Variants in SERPINF2 observed in about 807,000 individuals in gnomAD.
SERPINF2 encodes serpin family F member 2, also known as alpha-2-antiplasmin.
A neutral mutation model predicts 45.0 loss-of-function variants in SERPINF2; 15 were observed. The ratio of observed to expected loss-of-function variants is 0.33; its 90% CI spans 0.22 to 0.51. The LOEUF is 0.51. Ranked by LOEUF, SERPINF2 falls within the 20% of genes least tolerant of loss-of-function variation. The pLI is 0.97. For missense variants in SERPINF2, 518 were observed against 637.4 expected, an observed-to-expected ratio of 0.81 and a Z score of 2.02; for synonymous variants, 283 against 277.9, an observed-to-expected ratio of 1.02 and a Z score of -0.18.
rs773323308 is a variant in SERPINF2 at position 1,754,576 on chromosome 17, C to T, written c.*42C>T. 5.7e-6 allele frequency: 9 copies of T among 1,590,244 alleles called. No individual in the cohort carries two copies. In the African/African-American group the frequency reaches 9.4e-5, roughly 17 times the overall value. On this transcript the variant is annotated 3_prime_UTR_variant, in exon 10 of 10. Transcript: ENST00000453066. The stretch of plus-strand genomic sequence containing the variant: ...CATCCAGAGTCCCTGCCTGGACCAG[C>T]CTCTCCACTCATGTGACTCTTTCCA...
chr17:1,748,501 G>T, intron 7 of SERPINF2, 97 bp from the exon 8 acceptor site: 1 of 1,512,416 alleles, frequency 6.6e-7, no homozygotes, highest in Non-Finnish European at 9.1e-7. Context: ...ACGGGCTGGG[G>T]GTGCAGAGCC....
intron 1 of SERPINF2, among the ~76,000 whole-genome samples, chr17:1,744,249 T>G (rs1275155469): frequency 1.3e-5 from 2 of 151,182 alleles, no homozygotes; most frequent in African/African-American, 2.4e-5. Context: ...TCCCAGTACT[T>G]TGGGAGGCCG....
At position 1,745,248 on chromosome 17, in the gene SERPINF2, G is replaced by A. The variant is rs770737376; in HGVS notation, c.102+35G>A. The A allele has an allele frequency of 6.3e-7, 1 of 1,587,734 alleles. No homozygotes were observed. The highest frequency in any genetic ancestry group is 8.6e-7 in the Non-Finnish European group (1 of 1,167,806). On this transcript the variant is annotated intron_variant, in intron 3 of 9. Coordinates refer to ENST00000453066, the MANE Select transcript of SERPINF2 (RefSeq NM_000934.4). The surrounding 1 kb of genome is among the most constrained non-coding windows in gnomAD (Gnocchi z 6.2). ...AGTGAGGAGCCTGTGATGGGGGGAAGGTCCCGGGGGTCTCACTGGTGGCTT... is the reference window on the plus strand; with the variant it reads ...AGTGAGGAGCCTGTGATGGGGGGAAAGTCCCGGGGGTCTCACTGGTGGCTT...
intron 5 of SERPINF2, among the ~76,000 whole-genome samples, chr17:1,746,707 G>T (rs762043823): frequency 1.1e-4 from 16 of 152,132 alleles, no homozygotes; most frequent in Non-Finnish European, 1.9e-4. Context: ...GATTACAGGC[G>T]TGAGCCACCG....
intron 8 of SERPINF2, among the ~76,000 whole-genome samples, chr17:1,751,321 C>T (rs1022852569): frequency 7.9e-5 from 12 of 151,892 alleles, no homozygotes; most frequent in Non-Finnish European, 8.8e-5. Context: ...AGATGGTGAG[C>T]GCCTGTAGTC....
In SERPINF2 at chr17:1,755,039, A is replaced by C. The variant is rs566579420; in HGVS notation, c.*505A>C. On this transcript the variant is annotated 3_prime_UTR_variant, in exon 10 of 10. Transcript: ENST00000453066. The surrounding 1 kb of genome is among the most constrained non-coding windows in gnomAD (Gnocchi z 4.2). Reference sequence around the variant, plus strand: ...AGCCTGGCTGTGGCCTAACCTGCCGAGAGTCCATCAGCCTCCATCCTACCC... The same window carrying C: ...AGCCTGGCTGTGGCCTAACCTGCCGCGAGTCCATCAGCCTCCATCCTACCC... The C allele has an allele frequency of 9.1e-5, 15 of 165,210 alleles. No individual in the cohort carries two copies. In the South Asian group the frequency reaches 2.7e-3, roughly 29 times the overall value. The allele number at this position is 165,210 out of a possible 1,614,324, so 10.2% of individuals were successfully genotyped here.
chr17:1,746,009 G>A (rs1905790770), intron 5 of SERPINF2, 100 bp downstream of exon 5: 20 of 1,297,264 alleles, frequency 1.5e-5, no homozygotes, highest in Admixed American at 5.0e-5. Flanking sequence ...CCAGGGTCAC[G>A]TGGCTGTTTG....
At chr17:1,744,855 G>C (rs923515676) in intron 1 of SERPINF2, 137 bp from the exon 2 acceptor site, 3 of 1,548,738 alleles carry the variant, frequency 1.9e-6, no homozygotes, top group South Asian at 1.2e-5. Flanking sequence ...TTTGGGGTCT[G>C]TTCTGATTCT....
In SERPINF2 at chr17:1,747,253, C is replaced by G. The variant is rs1282266726; in HGVS notation, c.512-56C>G. 1.9e-6 allele frequency: 3 copies of G among 1,610,290 alleles called. No homozygotes were observed. In the South Asian group the frequency reaches 3.3e-5, roughly 18 times the overall value. ...CTGGGCCTCTGGTAGCGAGTAGGGG[C>G]GTGTCTGGCTGTGGAGCCTGGAGCC... On this transcript the variant is annotated intron_variant, in intron 6 of 9. Coordinates refer to ENST00000453066, the MANE Select transcript of SERPINF2 (RefSeq NM_000934.4).
At chr17:1,748,857 C>T (rs1230195479) in intron 8 of SERPINF2, 117 bp downstream of exon 8, 20 of 761,342 alleles carry the variant, frequency 2.6e-5, no homozygotes, top group Non-Finnish European at 3.8e-5. Flanking sequence ...CTTGCCTCCA[C>T]GTCCCCTAGG....
At position 1,745,537 on chromosome 17, in the gene SERPINF2, G is replaced by C. The variant is rs1389092024; in HGVS notation, c.165+142G>C. Reference sequence around the variant, plus strand: ...GAAGGGAGAGAGGGTGGGGAGGACCGAAGGTGGGCGCCAGGCCCCAGAATG... The same window carrying C: ...GAAGGGAGAGAGGGTGGGGAGGACCCAAGGTGGGCGCCAGGCCCCAGAATG... On this transcript the variant is annotated intron_variant, in intron 4 of 9. Coordinates refer to ENST00000453066, the MANE Select transcript of SERPINF2 (RefSeq NM_000934.4). The surrounding 1 kb of genome is among the most constrained non-coding windows in gnomAD (Gnocchi z 6.2). The C allele has an allele frequency of 1.6e-6, 2 of 1,213,664 alleles. No homozygotes were observed. Among genetic ancestry groups the C allele is most frequent in the African/African-American group, 1.5e-5 (1 of 66,946 alleles). 75.2% of individuals were successfully genotyped at this position (1,213,664 alleles called of 1,614,324 possible).
chr17:1,754,278 C>A lies in SERPINF2; in HGVS notation c.1220C>A (p.Ser407Tyr). ...TSIAMSRMSL[S>Y]SFSVNRPFLF... is the part of the protein sequence containing the mutation. Reference sequence around the variant, plus strand: ...ATTGCCATGTCCCGCATGTCCCTGTCCTCCTTCAGCGTGAACCGCCCCTTC... The same window carrying A: ...ATTGCCATGTCCCGCATGTCCCTGTACTCCTTCAGCGTGAACCGCCCCTTC... Residue 407 changes from serine to tyrosine, a missense_variant, in exon 10 of 10, where the codon TCC becomes TAC. Ser to Tyr is a moderately radical substitution (Grantham distance 144). Around this residue, in one of 2 missense-constraint regions of SERPINF2, gnomAD observed 435 missense variants for 577.3 expected, o/e 0.75. Transcript: ENST00000453066. The A allele has an allele frequency of 6.2e-7, 1 of 1,614,174 alleles. No homozygotes were observed. Among genetic ancestry groups the A allele is most frequent in the South Asian group, 1.1e-5 (1 of 91,088 alleles).
intron 8 of SERPINF2, among the ~76,000 whole-genome samples, chr17:1,750,361 A>C (rs1001696609): frequency 5.9e-5 from 9 of 151,768 alleles, no homozygotes; most frequent in Admixed American, 2.6e-4. Context: ...ATTGGCCAGG[A>C]TGGTCTCAAT....
Position 1,754,587 on chromosome 17 carries a change from A to C in SERPINF2, c.*53A>C. 1 of 1,558,498 alleles carries C rather than the reference A, an allele frequency of 6.4e-7. No individual in the cohort carries two copies. The highest frequency in any genetic ancestry group is 8.6e-7 in the Non-Finnish European group (1 of 1,158,298). ...CCTGCCTGGACCAGCCTCTCCACTCATGTGACTCTTTCCAACCGGCTTTGT... is the reference window on the plus strand; with the variant it reads ...CCTGCCTGGACCAGCCTCTCCACTCCTGTGACTCTTTCCAACCGGCTTTGT... On this transcript the variant is annotated 3_prime_UTR_variant, in exon 10 of 10. Coordinates refer to ENST00000453066, the MANE Select transcript of SERPINF2 (RefSeq NM_000934.4).
intron 1 of SERPINF2, among the ~76,000 whole-genome samples, chr17:1,743,715 C>CA (rs61163841): frequency 0.071 from 2,310 of 32,652 alleles, 86 homozygotes; most frequent in African/African-American, 0.086. Flanking sequence ...AACTCCATCT[C>CA]AAAAAAAAAA....
In SERPINF2 at chr17:1,746,991, G is replaced by A. The variant is rs139309534; in HGVS notation, c.368-28G>A. 3.4e-4 allele frequency: 536 copies of A among 1,598,846 alleles called. 4 individuals carry two copies. In the African/African-American group the frequency reaches 6.0e-3, roughly 18 times the overall value. ...TGGGGGTGAGAAAGGACCCGCAGCC[G>A]GGCCTCAGCCTGTGCGGTGCCCTCC... On this transcript the variant is annotated intron_variant, in intron 5 of 9. Transcript: ENST00000453066.
At chr17:1,753,631 A>C (rs2151197484) in intron 9 of SERPINF2, among the ~76,000 whole-genome samples, 1 of 152,328 alleles carries the variant, frequency 6.6e-6, no homozygotes, top group Non-Finnish European at 1.5e-5. Context: ...GGTTGCAGTG[A>C]GCCGAGATCA....
Position 1,754,744 on chromosome 17 carries a change from ATCTT to A in SERPINF2, c.*215_*218del, listed in dbSNP as rs1906714307. The A allele has an allele frequency of 3.2e-6, 2 of 627,774 alleles. No individual in the cohort carries two copies. Among genetic ancestry groups the A allele is most frequent in the African/African-American group, 1.8e-5 (1 of 54,200 alleles). 38.9% of individuals were successfully genotyped at this position (627,774 alleles called of 1,614,324 possible). ...TCGGGGAGCCGGGAGCCTGACCCTC[ATCTT>A]TCTTCCAAACAGGCTCAGAGGGTGT... On this transcript the variant is annotated 3_prime_UTR_variant, in exon 10 of 10. Transcript: ENST00000453066.
rs1198910763 is a variant in SERPINF2, at chr17:1,754,473, C to T, written c.1415C>T (p.Pro472Leu). 4 of 1,608,318 alleles carry T rather than the reference C, an allele frequency of 2.5e-6. No homozygotes were observed. In the African/African-American group the frequency reaches 5.4e-5, roughly 22 times the overall value. Residue 472 changes from proline (P) to leucine (L), a missense_variant, in exon 10 of 10, where the codon CCT becomes CTT. Physicochemically the swap from Pro to Leu is moderately conservative, Grantham distance 98 (BLOSUM62 -3). This residue lies in a region of SERPINF2 where 83 missense variants were observed against 60.0 expected (regional missense o/e 1.38). Transcript: ENST00000453066. ...CCCCGCGGAGACAAGCTTTTCGGCC[C>T]TGACTTAAAACTTGTGCCCCCCATG... ...GFPRGDKLFG[P>L]DLKLVPPMEE...
Sources: gnomAD v4.1 joint callset for allele counts (sites outside exome capture counted in the v4.1 genomes callset) on GRCh38, gnomAD v4.1.1 for gene constraint, gnomAD v4.1.1 regional missense constraint, Gnocchi (gnomAD v3.1) non-coding constraint, MANE v1.5 for transcripts, NCBI Gene and HGNC (gene_info 2026-07-23, HGNC 2026-07-21) for gene names.